Variants in AUTS2 observed in about 807,000 individuals in gnomAD.
AUTS2 encodes the protein activator of transcription and developmental regulator AUTS2, also known as autism susceptibility gene 2 protein.
Under a neutral mutation model 112.4 loss-of-function variants are expected in AUTS2, and 17 were observed. The ratio of observed to expected loss-of-function variants is 0.15; its 90% CI spans 0.10 to 0.23. The LOEUF (loss-of-function observed/expected upper bound fraction) is 0.23, where lower values mean the gene tolerates loss of function less well. AUTS2 is among the 10% of genes least tolerant of loss of function. AUTS2 has a pLI of 1.00. For synonymous variants in AUTS2, 751 were observed against 702.7 expected (o/e 1.07, Z -1.09); for missense variants, 1,510 against 1,701.6 (o/e 0.89, Z 1.98).
At chr7:70,596,934 T>C (rs1259391376) in intron 5 of AUTS2, 1 of 152,206 alleles carries the variant, frequency 6.6e-6, no homozygotes, top group East Asian at 1.9e-4. Flanking sequence ...AGTTCAGTAA[T>C]AAATGGAAGT....
At chr7:70,014,061 A>C (rs1446307317) in intron 2 of AUTS2, among the ~76,000 whole-genome samples, 1 of 152,192 alleles carries the variant, frequency 6.6e-6, no homozygotes, top group Non-Finnish European at 1.5e-5. Context: ...CCCTGTAAAC[A>C]CACTTGTTCA....
chr7:70,078,078 A>G (rs1320205392), intron 2 of AUTS2, among the ~76,000 whole-genome samples: 1 of 152,158 alleles, frequency 6.6e-6, no homozygotes, highest in Non-Finnish European at 1.5e-5. Flanking sequence ...AGGGTCAGGC[A>G]TATGGTAGGT....
At chr7:70,251,290 T>C (rs1413719152) in intron 4 of AUTS2, among the ~76,000 whole-genome samples, 1 of 152,052 alleles carries the variant, frequency 6.6e-6, no homozygotes, top group African/African-American at 2.4e-5. Flanking sequence ...GGTCTTGAAC[T>C]CCTGACCTCA....
intron 4 of AUTS2, among the ~76,000 whole-genome samples, chr7:70,223,504 C>A (rs570069273): frequency 5.3e-5 from 8 of 152,108 alleles, no homozygotes; most frequent in Non-Finnish European, 1.0e-4. Flanking sequence ...AAACCTACTG[C>A]GCTGCCAGTT....
rs1459487290 is a variant in AUTS2 at position 70,694,723 on chromosome 7, C to T, written c.691-3846C>T. 6.8e-6 allele frequency: 1 copy of T among 148,002 alleles called. No homozygotes were observed. The highest frequency in any genetic ancestry group is 2.0e-4 in the East Asian group (1 of 5,018). 9.2% of individuals were successfully genotyped at this position (148,002 alleles called of 1,614,324 possible). A position where few individuals can be genotyped will look rare whatever the true frequency, so the allele number is the denominator to read the frequency against. On this transcript the variant is annotated intron_variant, in intron 5 of 18. Transcript: ENST00000342771. The surrounding 1 kb of genome is among the most constrained non-coding windows in gnomAD (Gnocchi z 4.1). ...AGCGGCGGGGAGACAGTGGCGAGCGCGGGCCGGGCGATCTCGGCGGGCGCG... is the reference window on the plus strand; with the variant it reads ...AGCGGCGGGGAGACAGTGGCGAGCGTGGGCCGGGCGATCTCGGCGGGCGCG...
At chr7:69,741,024 G>T (rs371372289) in intron 1 of AUTS2, among the ~76,000 whole-genome samples, 23 of 152,288 alleles carry the variant, frequency 1.5e-4, no homozygotes, top group East Asian at 1.3e-3. Flanking sequence ...TACTTGGAAA[G>T]ATTTCCTTTG....
intron 4 of AUTS2, among the ~76,000 whole-genome samples, chr7:70,425,309 A>C (rs572392532): frequency 6.6e-6 from 1 of 152,290 alleles, no homozygotes; most frequent in East Asian, 1.9e-4. Flanking sequence ...ATGAAAAAAC[A>C]CCTCTGTTCA....
At chr7:70,566,561 A>T (rs932764446) in intron 5 of AUTS2, among the ~76,000 whole-genome samples, 6 of 152,200 alleles carry the variant, frequency 3.9e-5, no homozygotes, top group Admixed American at 2.6e-4. Flanking sequence ...ATAGCATTGA[A>T]ATATTTAATC....
At chr7:70,691,007 T>G (rs992622360) in intron 5 of AUTS2, among the ~76,000 whole-genome samples, 2 of 152,228 alleles carry the variant, frequency 1.3e-5, no homozygotes, top group African/African-American at 4.8e-5. Context: ...ATAGATTGAC[T>G]TACAAGAATT....
At position 70,777,762 on chromosome 7, in the gene AUTS2, A is replaced by G. The variant is rs527696759; in HGVS notation, c.2004+588A>G. On this transcript the variant is annotated intron_variant, in intron 14 of 18. Coordinates refer to ENST00000342771, the MANE Select transcript of AUTS2 (RefSeq NM_015570.4). ...TTTTATTGATCCAAAGGTCTTGAAT[A>G]TGGATTAAATGCTAAAATAAAGCTT... Among the ~76,000 whole-genome samples, 14 of 152,350 alleles carry G rather than the reference A, an allele frequency of 9.2e-5. No individual in the cohort carries two copies. The South Asian group carries it at 2.1e-3, about 23-fold the overall frequency.
intron 6 of AUTS2, among the ~76,000 whole-genome samples, chr7:70,752,548 A>G (rs929990326): frequency 6.6e-6 from 1 of 152,242 alleles, no homozygotes; most frequent in African/African-American, 2.4e-5. Flanking sequence ...TGTGAGCCTT[A>G]CAGAAAACAA....
At chr7:70,555,038 G>T (rs910733672) in intron 5 of AUTS2, among the ~76,000 whole-genome samples, 2 of 152,236 alleles carry the variant, frequency 1.3e-5, no homozygotes, top group Non-Finnish European at 2.9e-5. Context: ...CACTGTGAAT[G>T]CAGAGATGGA....
At chr7:69,975,872 G>A (rs1798038853) in intron 2 of AUTS2, among the ~76,000 whole-genome samples, 1 of 151,782 alleles carries the variant, frequency 6.6e-6, no homozygotes, top group Non-Finnish European at 1.5e-5. Flanking sequence ...ATTTTTAGTA[G>A]AGACAGGGTT....
intron 2 of AUTS2, among the ~76,000 whole-genome samples, chr7:70,025,028 G>A (rs1011162692): frequency 1.9e-4 from 29 of 152,234 alleles, no homozygotes; most frequent in African/African-American, 5.8e-4. Flanking sequence ...TTCCCTCACT[G>A]TGTGTTTCTG....
chr7:70,460,709 C>A (rs766800751), intron 5 of AUTS2, among the ~76,000 whole-genome samples: 17 of 152,112 alleles, frequency 1.1e-4, no homozygotes, highest in Non-Finnish European at 1.9e-4. Flanking sequence ...AGGCCTCTGG[C>A]ACTTATCAGC....
intron 4 of AUTS2, among the ~76,000 whole-genome samples, chr7:70,316,399 AT>A (rs398005114): frequency 0.087 from 8,051 of 92,754 alleles, 178 homozygotes; most frequent in Admixed American, 0.12. Context: ...CCAGGTCTCT[AT>A]TTTTTTTTTT....
chr7:69,881,220 T>A (rs1794027768), intron 1 of AUTS2, among the ~76,000 whole-genome samples: 1 of 152,204 alleles, frequency 6.6e-6, no homozygotes, highest in Non-Finnish European at 1.5e-5. Context: ...TAAAGTTGCC[T>A]CCCAAACCTT....
chr7:69,812,127 A>G (rs1006523936), intron 1 of AUTS2, among the ~76,000 whole-genome samples: 9 of 152,218 alleles, frequency 5.9e-5, no homozygotes, highest in Non-Finnish European at 8.8e-5. Flanking sequence ...AGCCCTCTCC[A>G]TAATAGTCTC....
chr7:69,759,702 T>G (rs1050505484), intron 1 of AUTS2, among the ~76,000 whole-genome samples: 1 of 149,826 alleles, frequency 6.7e-6, no homozygotes, highest in Non-Finnish European at 1.5e-5. Context: ...TTTTTGTGAC[T>G]GTATTATATA....
Sources: allele counts gnomAD v4.1 joint callset (sites outside exome capture counted in the v4.1 genomes callset), GRCh38; gene constraint gnomAD v4.1.1; non-coding constraint Gnocchi (gnomAD v3.1); transcripts MANE v1.5; gene names NCBI Gene and HGNC (gene_info 2026-07-23, HGNC 2026-07-21).